The following TACC2 variants were observed in gnomAD, a reference collection of about 807,000 sequenced individuals.
TACC2 encodes transforming acidic coiled-coil containing protein 2, also known as transforming acidic coiled-coil-containing protein 2.
Under a neutral mutation model 227.3 loss-of-function variants are expected in TACC2, and 137 were observed. The observed-to-expected ratio is 0.60, with a 90% confidence interval of 0.52 to 0.69. The LOEUF (loss-of-function observed/expected upper bound fraction) is 0.69, where lower values mean the gene tolerates loss of function less well. TACC2 is among the 30% of genes least tolerant of loss of function. TACC2 has a pLI of 0.00. For missense variants in TACC2, 3,470 were observed against 3,694.4 expected (o/e 0.94, Z 1.57); for synonymous variants, 1,523 against 1,487.5 (o/e 1.02, Z -0.55).
At position 122,073,134 on chromosome 10, in the gene TACC2, T is replaced by A. The variant is rs76674104; in HGVS notation, c.147-9513T>A. Among the ~76,000 whole-genome samples, 530 of 60,510 alleles carry A rather than the reference T, an allele frequency of 8.8e-3. 6 individuals are homozygous for A. The highest frequency in any genetic ancestry group is 0.022 in the African/African-American group (346 of 15,784). 39.7% of individuals were successfully genotyped at this position (60,510 alleles called of 152,430 possible). On this transcript the variant is annotated intron_variant, in intron 3 of 22. Coordinates refer to ENST00000369005, the MANE Select transcript of TACC2 (RefSeq NM_206862.4). ...AAAAAAAAAAAAAAAAAAATATATA[T>A]ATATATATATATATATATACACACA...
rs920867804 is a variant in TACC2, at chr10:122,141,664, A to G, written c.5700-1908A>G. 3.3e-5 allele frequency among the ~76,000 whole-genome samples: 5 copies of G among 152,144 alleles called. No homozygotes were observed. Among genetic ancestry groups the G allele is most frequent in the Non-Finnish European group, 5.9e-5 (4 of 68,012 alleles). ...TTTGTTGTGATTAGCAGCGGGCCAC[A>G]GATCTAAGGTAGCATCTCCCCCCCA... On this transcript the variant is annotated intron_variant, in intron 6 of 22. Transcript: ENST00000369005. The surrounding 1 kb of genome is among the most constrained non-coding windows in gnomAD (Gnocchi z 4.3).
rs555406496 is a variant in TACC2 at position 122,096,269 on chromosome 10, A to T, written c.5573+7678A>T. On this transcript the variant is annotated intron_variant, in intron 5 of 22. Coordinates refer to ENST00000369005, the MANE Select transcript of TACC2 (RefSeq NM_206862.4). The stretch of plus-strand genomic sequence containing the variant: ...CTTGGCTTCACCTATGTGACCTCAC[A>T]TCCAGGCCTGCGCACCCGTATCTGA... Among the ~76,000 whole-genome samples, 94 of 152,300 alleles carry T rather than the reference A, an allele frequency of 6.2e-4. 1 individual carries two copies. Among genetic ancestry groups the T allele is most frequent in the African/African-American group, 2.2e-3 (91 of 41,566 alleles).
At chr10:122,079,807 A>T (rs1448941795) in intron 3 of TACC2, among the ~76,000 whole-genome samples, 2 of 152,238 alleles carry the variant, frequency 1.3e-5, no homozygotes, top group Admixed American at 1.3e-4. Context: ...CTCATCTGCA[A>T]ATGGCATGGG....
Position 122,248,775 on chromosome 10 carries a change from T to C in TACC2, c.8525T>C (p.Met2842Thr), listed in dbSNP as rs143941520. 24 of 1,613,996 alleles carry C rather than the reference T, an allele frequency of 1.5e-5. No homozygotes were observed. Among genetic ancestry groups the C allele is most frequent in the Non-Finnish European group, 1.9e-5 (23 of 1,180,036 alleles). ...GACCTCTTCAGAAGATATGAGAAGATGAAGGAGGTCCTAGAAGGCTTCCGC... is the reference window on the plus strand; with the variant it reads ...GACCTCTTCAGAAGATATGAGAAGACGAAGGAGGTCCTAGAAGGCTTCCGC... ...LADLFRRYEK[M>T]KEVLEGFRKN... Residue 2842 changes from methionine (M) to threonine (T), a missense_variant, in exon 20 of 23, where the codon ATG (methionine) becomes ACG (threonine). Around this residue, in one of 10 missense-constraint regions of TACC2, gnomAD observed 65 missense variants for 119.3 expected, o/e 0.54. Coordinates refer to ENST00000369005, the MANE Select transcript of TACC2 (RefSeq NM_206862.4).
intron 1 of TACC2, among the ~76,000 whole-genome samples, chr10:121,996,618 T>C (rs1362457250): frequency 2.0e-5 from 3 of 152,124 alleles, no homozygotes; most frequent in African/African-American, 4.8e-5. Flanking sequence ...CAAACACTTA[T>C]TAAGTGATGC....
intron 7 of TACC2, among the ~76,000 whole-genome samples, chr10:122,157,666 T>C (rs2139688437): frequency 6.6e-6 from 1 of 152,316 alleles, no homozygotes; most frequent in South Asian, 2.1e-4. Context: ...CTTACCTCAC[T>C]CCCTCTGGCT....
At chr10:122,081,917 T>A (rs2079554764) in intron 3 of TACC2, among the ~76,000 whole-genome samples, 1 of 152,204 alleles carries the variant, frequency 6.6e-6, no homozygotes, top group Non-Finnish European at 1.5e-5. Flanking sequence ...CTTTGCCAAC[T>A]TGTGCTTTTT....
intron 6 of TACC2, among the ~76,000 whole-genome samples, chr10:122,136,048 A>G (rs2089564432): frequency 6.6e-6 from 1 of 152,170 alleles, no homozygotes; most frequent in South Asian, 2.1e-4. Flanking sequence ...AAGCAAAATT[A>G]CCTATTAAAT....
At chr10:122,007,963 C>A (rs1457703991) in intron 1 of TACC2, among the ~76,000 whole-genome samples, 1 of 152,256 alleles carries the variant, frequency 6.6e-6, no homozygotes, top group South Asian at 2.1e-4. Context: ...CATGTGATGC[C>A]TCTGACCACC....
At chr10:122,119,926 A>C (rs2085400488) in intron 5 of TACC2, among the ~76,000 whole-genome samples, 1 of 46,888 alleles carries the variant, frequency 2.1e-5, no homozygotes, top group Non-Finnish European at 5.5e-5. Context: ...CTCAAAAGAA[A>C]AAAAAAAAAA....
chr10:122,017,878 G>GT (rs1278496400), intron 1 of TACC2, among the ~76,000 whole-genome samples: 3 of 148,516 alleles, frequency 2.0e-5, no homozygotes, highest in East Asian at 1.9e-4. Flanking sequence ...TTCTTCTGTG[G>GT]TTTTTTTGAG....
chr10:122,111,354 T>A (rs1357524400), intron 5 of TACC2, among the ~76,000 whole-genome samples: 1 of 152,228 alleles, frequency 6.6e-6, no homozygotes, highest in African/African-American at 2.4e-5. Flanking sequence ...ATCTGTCAAC[T>A]GGGAGGGGCT....
rs12776723 is a variant in TACC2, at chr10:122,201,028, C to T, written c.5971+5852C>T. Among the ~76,000 whole-genome samples the T allele has an allele frequency of 2.9e-3, 409 of 139,790 alleles. 4 individuals are homozygous for T. The highest frequency in any genetic ancestry group is 5.1e-3 in the Admixed American group (73 of 14,426). The allele number at this position is 139,790 out of a possible 152,430, so 91.7% of individuals were successfully genotyped here. On this transcript the variant is annotated intron_variant, in intron 8 of 22. Transcript: ENST00000369005. ...AGTGGCCACATCTACAGTGAGAGGA[C>T]GGCCACCTCACCCGCCCACAGTGGC... is the stretch of plus-strand genomic sequence containing the variant.
chr10:122,068,278 A>G (rs954483693), intron 3 of TACC2, among the ~76,000 whole-genome samples: 1 of 152,154 alleles, frequency 6.6e-6, no homozygotes. Flanking sequence ...AAGTCTTTTT[A>G]TAGTAATTCT....
At chr10:122,224,307 G>T (rs1337803445) in intron 11 of TACC2, among the ~76,000 whole-genome samples, 1 of 152,154 alleles carries the variant, frequency 6.6e-6, no homozygotes, top group East Asian at 1.9e-4. Flanking sequence ...GGACAAGTAA[G>T]GGTCCAGTTC....
At chr10:122,127,718 T>A (rs2087157351) in intron 5 of TACC2, among the ~76,000 whole-genome samples, 1 of 151,900 alleles carries the variant, frequency 6.6e-6, no homozygotes, top group South Asian at 2.1e-4. Flanking sequence ...TTTAGAAAAA[T>A]CCCCCCATTT....
rs568611169 is a variant in TACC2, at chr10:122,118,262, G to A, written c.5574-14347G>A. On this transcript the variant is annotated intron_variant, in intron 5 of 22. Coordinates refer to ENST00000369005, the MANE Select transcript of TACC2 (RefSeq NM_206862.4). The stretch of plus-strand genomic sequence containing the variant: ...ACTCCTGACCTCAGGCCATCCGGCC[G>A]CCTCGGCCTCCCAAAGTGCTGGGAT... 4.6e-5 allele frequency among the ~76,000 whole-genome samples: 7 copies of A among 152,116 alleles called. No homozygotes were observed. In the East Asian group the frequency reaches 9.7e-4, roughly 21 times the overall value.
chr10:122,251,555 C>G (rs1686460165), intron 22 of TACC2, among the ~76,000 whole-genome samples: 1 of 152,090 alleles, frequency 6.6e-6, no homozygotes, highest in Admixed American at 6.6e-5. Context: ...ATACTAGAAG[C>G]CAGGCATGTT....
chr10:122,166,138 G>A (rs1198807105), intron 7 of TACC2, among the ~76,000 whole-genome samples: 5 of 152,172 alleles, frequency 3.3e-5, no homozygotes, highest in Admixed American at 6.5e-5. Flanking sequence ...CACAGGGTGC[G>A]CACCTGCCGC....
Sources: allele counts gnomAD v4.1 joint callset (sites outside exome capture counted in the v4.1 genomes callset), GRCh38; gene constraint gnomAD v4.1.1; regional missense constraint gnomAD v4.1.1; non-coding constraint Gnocchi (gnomAD v3.1); transcripts MANE v1.5; gene names NCBI Gene and HGNC (gene_info 2026-07-23, HGNC 2026-07-21).